HELLS: variants seen among roughly 807,000 people sequenced by gnomAD.
HELLS encodes the protein helicase, lymphoid specific.
HELLS carries 32 observed loss-of-function variants against 120.0 expected under a neutral mutation model. That is an observed-to-expected ratio of 0.27 (90% CI 0.20 to 0.36). HELLS has a LOEUF of 0.36. HELLS is among the 10% of genes least tolerant of loss of function. HELLS has a pLI of 1.00. For synonymous variants in HELLS, 341 were observed against 323.4 expected (o/e 1.05, Z -0.58); for missense variants, 650 against 993.4 (o/e 0.65, Z 4.65).
chr10:94,601,003 G>A (rs1326839), intron 21 of HELLS, among the ~76,000 whole-genome samples: 72,217 of 151,918 alleles, frequency 0.48, 17,675 homozygotes, highest in East Asian at 0.78. Context: ...AGAAATGTCT[G>A]ATGAACAGAC....
chr10:94,612,620 T>A (rs890836412), exon 10 of HELLS: 5 of 152,282 alleles, frequency 3.3e-5, no homozygotes, highest in Admixed American at 6.5e-5. Flanking sequence ...ACCTCAGACA[T>A]TTTTAAAAAT....
At chr10:94,575,020 T>C (rs1411501482) in intron 9 of HELLS, among the ~76,000 whole-genome samples, 1 of 152,144 alleles carries the variant, frequency 6.6e-6, no homozygotes, top group African/African-American at 2.4e-5. Flanking sequence ...TTAAAAATTC[T>C]GCTTGTTCTT....
Position 94,592,457 on chromosome 10 carries a change from A to G in HELLS, c.1914A>G (p.Arg638=). The change falls in exon 17 of 22, where the codon AGA becomes AGG. Residue 638 remains arginine, a synonymous_variant. Coordinates refer to ENST00000348459, the MANE Select transcript of HELLS (RefSeq NM_018063.5). Reference sequence around the variant, plus strand: ...TTTTGATGGATTACTGCCATCTCAGAGATTTCAACTTCAGCAGGCTTGATG... The same window carrying G: ...TTTTGATGGATTACTGCCATCTCAGGGATTTCAACTTCAGCAGGCTTGATG... ...LDILMDYCHL[R]DFNFSRLDGS... 1 of 1,581,112 alleles carries G rather than the reference A, an allele frequency of 6.3e-7. No homozygotes were observed.
chr10:94,613,542 A>G (rs1436551345), exon 10 of HELLS: 1 of 152,102 alleles, frequency 6.6e-6, no homozygotes, highest in Non-Finnish European at 1.5e-5. Flanking sequence ...TTTTCCCTAA[A>G]TGCTTTATTA....
chr10:94,549,482 T>G (rs1216260548), intron 2 of HELLS, among the ~76,000 whole-genome samples: 1 of 152,212 alleles, frequency 6.6e-6, no homozygotes, highest in South Asian at 2.1e-4. Context: ...CTAGGAGATT[T>G]GAGTACTGAT....
chr10:94,559,414 T>C (rs895823382), intron 4 of HELLS, among the ~76,000 whole-genome samples: 1 of 152,042 alleles, frequency 6.6e-6, no homozygotes, highest in Non-Finnish European at 1.5e-5. Flanking sequence ...CTGTTGGCCC[T>C]GAGTTCGATA....
intron 17 of HELLS, among the ~76,000 whole-genome samples, chr10:94,593,054 A>G (rs573508995): frequency 6.6e-6 from 1 of 152,228 alleles, no homozygotes; most frequent in African/African-American, 2.4e-5. Context: ...AAATTTACAC[A>G]TACTGAAGCA....
At chr10:94,578,538 A>T (rs143594710) in intron 10 of HELLS, among the ~76,000 whole-genome samples, 2 of 152,058 alleles carry the variant, frequency 1.3e-5, no homozygotes, top group African/African-American at 2.4e-5. Context: ...GTGAAACCAC[A>T]TCTCTACAAA....
At chr10:94,599,358 A>T (rs897166832) in intron 21 of HELLS, among the ~76,000 whole-genome samples, 8 of 151,546 alleles carry the variant, frequency 5.3e-5, no homozygotes, top group African/African-American at 1.5e-4. Context: ...CATCTTCATA[A>T]TTTTTTTTTA....
chr10:94,608,936 C>G lies in HELLS; in HGVS notation c.*1+910C>G, dbSNP rs1385736897. ...ATAGCATAAGCTACCGCACCCAGCC[C>G]ACAATTTTCTTTCAGTACAATATAA... On this transcript the variant is annotated intron_variant, in intron 9 of 9. Transcript: ENST00000371327. Among the ~76,000 whole-genome samples, 5 of 151,704 alleles carry G rather than the reference C, an allele frequency of 3.3e-5. No homozygotes were observed. In the East Asian group the frequency reaches 9.7e-4, roughly 29 times the overall value.
downstream of HELLS, among the ~76,000 whole-genome samples, chr10:94,604,322 A>G (rs1846102373): frequency 6.6e-6 from 1 of 151,886 alleles, no homozygotes; most frequent in Non-Finnish European, 1.5e-5. Context: ...ACGTGGTTTC[A>G]CCATGTTGGC....
At chr10:94,605,562 AATT>A (rs1284590722), downstream of HELLS, among the ~76,000 whole-genome samples, 2 of 151,824 alleles carry the variant, frequency 1.3e-5, no homozygotes, top group African/African-American at 4.8e-5. Flanking sequence ...TTAGAGTAGG[AATT>A]ATTATCTTCT....
Position 94,609,842 on chromosome 10 carries a change from C to G in HELLS, c.*2-11C>G, listed in dbSNP as rs563483489. The G allele has an allele frequency of 2.7e-4, 41 of 152,228 alleles. 1 individual carries two copies. The highest frequency in any genetic ancestry group is 9.4e-4 in the African/African-American group (39 of 41,530). The allele number at this position is 152,228 out of a possible 1,614,324, so 9.4% of individuals were successfully genotyped here. A position where few individuals can be genotyped will look rare whatever the true frequency, so the allele number is the denominator to read the frequency against. The stretch of plus-strand genomic sequence containing the variant: ...GTTTCTACATTTTTCATTGATTTCT[C>G]TTCGTACTAGCACTAGGGCGCAAGA... On this transcript the variant is annotated splice_polypyrimidine_tract_variant and intron_variant, in intron 9 of 9. Coordinates refer to the HELLS transcript ENST00000371327.
intron 10 of HELLS, chr10:94,577,214 T>G: frequency 3.4e-6 from 1 of 295,414 alleles, no homozygotes; most frequent in South Asian, 3.0e-5. Flanking sequence ...TTCTATTTTC[T>G]TGATGTTCTA....
At chr10:94,585,357 GTTTTGTTTTTTTTTTTTGTTTGT>G (rs1410652276) in intron 12 of HELLS, among the ~76,000 whole-genome samples, 7 of 78,684 alleles carry the variant, frequency 8.9e-5, no homozygotes, top group African/African-American at 3.2e-4. Flanking sequence ...TAGTTTTTTT[GTTTTGTTTTTTTTTTTTGTTTGT>G]TTTTGTTTTT....
chr10:94,586,035 G>A lies in HELLS; in HGVS notation c.1327-2194G>A, dbSNP rs1845126438. On this transcript the variant is annotated intron_variant, in intron 12 of 21. Transcript: ENST00000348459. Reference sequence around the variant, plus strand: ...CCATTTCAGTTAACATCAAACTATAGCATTTGTCAGTGCATGTGGTAGAAA... The same window carrying A: ...CCATTTCAGTTAACATCAAACTATAACATTTGTCAGTGCATGTGGTAGAAA... Among the ~76,000 whole-genome samples the A allele has an allele frequency of 2.6e-5, 4 of 152,224 alleles. No individual in the cohort carries two copies. The South Asian group carries it at 8.3e-4, about 32-fold the overall frequency.
At chr10:94,557,487 T>A (rs1361972982) in intron 3 of HELLS, among the ~76,000 whole-genome samples, 1 of 152,214 alleles carries the variant, frequency 6.6e-6, no homozygotes, top group African/African-American at 2.4e-5. Context: ...TAGGAATAAG[T>A]TGATCCCTTT....
At chr10:94,585,614 C>T (rs1242289165) in intron 12 of HELLS, among the ~76,000 whole-genome samples, 1 of 151,514 alleles carries the variant, frequency 6.6e-6, no homozygotes, top group African/African-American at 2.4e-5. Flanking sequence ...AAACTCCTGA[C>T]CTCAAGTGAT....
intron 21 of HELLS, among the ~76,000 whole-genome samples, chr10:94,600,071 G>A (rs963246517): frequency 5.9e-5 from 9 of 152,034 alleles, no homozygotes; most frequent in Non-Finnish European, 8.8e-5. Context: ...CAGGTGGATT[G>A]CCTGAGCTCA....
Sources: gnomAD v4.1 joint callset for allele counts (sites outside exome capture counted in the v4.1 genomes callset) on GRCh38, gnomAD v4.1.1 for gene constraint, MANE v1.5 for transcripts, NCBI Gene and HGNC (gene_info 2026-07-23, HGNC 2026-07-21) for gene names.